Variants in SGSM1 observed in about 807,000 individuals in gnomAD.
SGSM1 encodes the protein small G protein signaling modulator 1, also known as RUN and TBC1 domain containing 2.
A neutral mutation model predicts 133.8 loss-of-function variants in SGSM1; 73 were observed. The observed-to-expected ratio is 0.55, with a 90% CI of 0.45 to 0.66. SGSM1 has a LOEUF of 0.66. Among genes scored for constraint, SGSM1 ranks in the 30% least tolerant of loss-of-function variants. SGSM1 has a pLI of 0.00. For missense variants in SGSM1, 1,213 were observed against 1,448.1 expected (o/e 0.84, Z 2.64); for synonymous variants, 563 against 573.0 (o/e 0.98, Z 0.25).
intron 2 of SGSM1, among the ~76,000 whole-genome samples, chr22:24,822,250 C>G (rs540913803): frequency 6.6e-6 from 1 of 152,002 alleles, no homozygotes; most frequent in East Asian, 1.9e-4. Context: ...GCCACCACGC[C>G]CGGCCAATTT....
intron 19 of SGSM1, among the ~76,000 whole-genome samples, chr22:24,900,305 C>G (rs1179063400): frequency 2.0e-5 from 3 of 151,832 alleles, no homozygotes; most frequent in Non-Finnish European, 4.4e-5. Context: ...AGGCATGAAC[C>G]AGTGCACCCC....
chr22:24,824,780 C>T (rs1232258818), intron 2 of SGSM1, among the ~76,000 whole-genome samples: 1 of 152,156 alleles, frequency 6.6e-6, no homozygotes, highest in African/African-American at 2.4e-5. Context: ...TGACCTTCCC[C>T]ACTACGCTGT....
In SGSM1 at chr22:24,859,830, T is replaced by A; in HGVS notation, c.916T>A (p.Tyr306Asn). The change falls in exon 9 of 25, where the codon TAT becomes AAT. Residue 306 changes from tyrosine (Y) to asparagine (N), a missense_variant. Tyr to Asn is a moderately radical substitution (Grantham distance 143). Coordinates refer to ENST00000400358, the MANE Select transcript of SGSM1 (RefSeq NM_001098497.3). The stretch of plus-strand genomic sequence containing the variant: ...GAACGGGTCTGTGGGGGACCTGGAC[T>A]ATGAGAAGAGGTAGGGCACTGGGTC... ...LMNGSVGDLD[Y>N]EKSVYWDYAM... 6.2e-7 allele frequency: 1 copy of A among 1,613,796 alleles called. No individual in the cohort carries two copies. The highest frequency in any genetic ancestry group is 8.5e-7 in the Non-Finnish European group (1 of 1,179,808).
At chr22:24,890,148 G>GGGTT (rs940222506) in intron 16 of SGSM1, among the ~76,000 whole-genome samples, 1 of 151,866 alleles carries the variant, frequency 6.6e-6, no homozygotes, top group African/African-American at 2.4e-5. Context: ...AGCAGAGACA[G>GGGTT]GGTTTTACCG....
At chr22:24,844,859 C>T (rs1199938222) in intron 2 of SGSM1, 38 bp from the exon 3 acceptor site, 1 of 1,609,768 alleles carries the variant, frequency 6.2e-7, no homozygotes, top group South Asian at 1.1e-5. Context: ...CCTTGGTCAC[C>T]TTGGACCTCT....
At chr22:24,834,354 C>T (rs1172745659) in intron 2 of SGSM1, among the ~76,000 whole-genome samples, 2 of 152,186 alleles carry the variant, frequency 1.3e-5, no homozygotes, top group African/African-American at 4.8e-5. Context: ...CAGGGTTGGC[C>T]CTCGGGCCAA....
intron 9 of SGSM1, among the ~76,000 whole-genome samples, chr22:24,863,226 G>A (rs7286345): frequency 0.016 from 2,415 of 152,236 alleles, 72 homozygotes; most frequent in African/African-American, 0.055. Flanking sequence ...GCACAATCTC[G>A]GCTCACTGCA....
intron 14 of SGSM1, among the ~76,000 whole-genome samples, chr22:24,881,888 C>T (rs752562084): frequency 9.9e-5 from 15 of 152,136 alleles, no homozygotes; most frequent in Non-Finnish European, 1.9e-4. Context: ...TTACCTAACA[C>T]CCTCCAGGTG....
At chr22:24,914,516 G>A (rs146637608) in intron 22 of SGSM1, among the ~76,000 whole-genome samples, 52 of 151,192 alleles carry the variant, frequency 3.4e-4, no homozygotes, top group African/African-American at 1.0e-3. Flanking sequence ...TTCATTATTC[G>A]TGTACCCCTT....
At chr22:24,849,407 G>C (rs1179676304) in intron 4 of SGSM1, among the ~76,000 whole-genome samples, 1 of 152,240 alleles carries the variant, frequency 6.6e-6, no homozygotes, top group Non-Finnish European at 1.5e-5. Flanking sequence ...TACAAAATTA[G>C]CTGGGCGTGG....
At chr22:24,883,994 A>G in intron 14 of SGSM1, 59 bp from the exon 15 acceptor site, 1 of 1,494,930 alleles carries the variant, frequency 6.7e-7, no homozygotes, top group Non-Finnish European at 8.9e-7. Flanking sequence ...AAGTCCCATG[A>G]GACAAGGTGA....
chr22:24,842,067 A>T (rs895677068), intron 2 of SGSM1, among the ~76,000 whole-genome samples: 2 of 151,854 alleles, frequency 1.3e-5, no homozygotes, highest in Admixed American at 1.3e-4. Context: ...GCCTGGACTC[A>T]CTCCCTCTGT....
chr22:24,907,864 A>ATC (rs1225516587), intron 21 of SGSM1, among the ~76,000 whole-genome samples: 7 of 133,342 alleles, frequency 5.2e-5, no homozygotes, highest in South Asian at 2.7e-4. Flanking sequence ...ATGAACTGAG[A>ATC]TCGCGCCACT....
At chr22:24,913,304 A>AG in intron 22 of SGSM1, among the ~76,000 whole-genome samples, 1 of 148,140 alleles carries the variant, frequency 6.8e-6, no homozygotes, top group Middle Eastern at 3.4e-3. Context: ...AAAAAAAAAA[A>AG]AAAAAAGAAA....
chr22:24,854,100 G>A (rs1050621480), intron 5 of SGSM1, among the ~76,000 whole-genome samples: 3 of 152,124 alleles, frequency 2.0e-5, no homozygotes, highest in Admixed American at 6.5e-5. Context: ...TGGGAATTCT[G>A]GGAGATACAA....
rs139761 is a variant in SGSM1, at chr22:24,911,289, C to CTTTT, written c.2819-1338_2819-1335dup. ...AATAAATGGGGAGCATAATTCCCCA[C>CTTTT]TTTTTTTTTTTTTTTTTTTGAGATG... On this transcript the variant is annotated intron_variant, in intron 21 of 24. Coordinates refer to ENST00000400358, the MANE Select transcript of SGSM1 (RefSeq NM_001098497.3). 1.2e-3 allele frequency among the ~76,000 whole-genome samples: 148 copies of CTTTT among 128,530 alleles called. 3 individuals carry two copies. The highest frequency in any genetic ancestry group is 2.0e-3 in the South Asian group (8 of 4,022). The allele number at this position is 128,530 out of a possible 152,430, so 84.3% of individuals were successfully genotyped here. A position where few individuals can be genotyped will look rare whatever the true frequency, so the allele number is the denominator to read the frequency against.
intron 9 of SGSM1, among the ~76,000 whole-genome samples, chr22:24,862,363 T>C (rs1931206737): frequency 6.6e-6 from 1 of 152,182 alleles, no homozygotes; most frequent in Non-Finnish European, 1.5e-5. Context: ...TTCTTTGACC[T>C]CCCTGCTGAG....
chr22:24,873,700 A>G (rs2147881972), intron 12 of SGSM1, among the ~76,000 whole-genome samples: 1 of 152,282 alleles, frequency 6.6e-6, no homozygotes, highest in Non-Finnish European at 1.5e-5. Context: ...AAAATTTTAA[A>G]ACATTAGCTG....
chr22:24,854,887 T>C (rs1055967423), intron 5 of SGSM1, 109 bp from the exon 6 acceptor site: 2 of 767,640 alleles, frequency 2.6e-6, no homozygotes, highest in Non-Finnish European at 4.4e-6. Context: ...ATGGGGCAGC[T>C]GAGGCTCTGG....
Sources: gnomAD v4.1 joint callset for allele counts (sites outside exome capture counted in the v4.1 genomes callset) on GRCh38, gnomAD v4.1.1 for gene constraint, MANE v1.5 for transcripts, NCBI Gene and HGNC (gene_info 2026-07-23, HGNC 2026-07-21) for gene names.